Variants in MYT1 observed in about 807,000 individuals in gnomAD.
MYT1 encodes myelin transcription factor I.
In MYT1, 23 loss-of-function variants were observed where a neutral mutation model predicts 123.0. The observed-to-expected ratio is 0.19, with a 90% CI of 0.13 to 0.26. MYT1 has a LOEUF of 0.26. Among genes scored for constraint, MYT1 ranks in the 10% least tolerant of loss-of-function variants. The pLI, the probability that MYT1 is intolerant of heterozygous loss-of-function variation, is 1.00. For synonymous variants in MYT1, 518 were observed against 575.3 expected (o/e 0.90, Z 1.43); for missense variants, 1,125 against 1,472.5 (o/e 0.76, Z 3.86).
chr20:64,228,595 G>A (rs1984236817), intron 18 of MYT1, among the ~76,000 whole-genome samples: 2 of 152,276 alleles, frequency 1.3e-5, no homozygotes. Context: ...TGTCTTTGTG[G>A]GGCTTATAGG....
intron 20 of MYT1, 49 bp from the exon 21 acceptor site, chr20:64,237,238 A>G: frequency 6.5e-7 from 1 of 1,529,210 alleles, no homozygotes; most frequent in Non-Finnish European, 9.0e-7. Flanking sequence ...ACTTTGGCCC[A>G]GGCCTGCCTG....
chr20:64,235,314 G>A (rs1984478504), intron 19 of MYT1, among the ~76,000 whole-genome samples: 1 of 118,646 alleles, frequency 8.4e-6, no homozygotes, highest in Non-Finnish European at 1.7e-5. Flanking sequence ...GCTGGCTGTG[G>A]TGGGTGACCC....
At chr20:64,221,788 T>C (rs1984011867) in intron 13 of MYT1, 105 bp from the exon 14 acceptor site, 2 of 1,194,890 alleles carry the variant, frequency 1.7e-6, no homozygotes, top group East Asian at 2.5e-5. Flanking sequence ...CGGGAGATGC[T>C]TCTGTGGACA....
chr20:64,203,556 CT>C lies in MYT1; in HGVS notation c.87-1478del, dbSNP rs547099141. Reference sequence around the variant, plus strand: ...CCTTCCCGTCTGGGTTCCCTCTTCCCTCCTCCCTCCCTCCTTCCCTCCCTCT... The same window carrying C: ...CCTTCCCGTCTGGGTTCCCTCTTCCCCCTCCCTCCCTCCTTCCCTCCCTCT... On this transcript the variant is annotated intron_variant, in intron 4 of 22. Transcript: ENST00000328439. The surrounding 1 kb of genome is among the most constrained non-coding windows in gnomAD (Gnocchi z 5.1). Among the ~76,000 whole-genome samples the C allele has an allele frequency of 1.9e-3, 293 of 152,156 alleles. 2 individuals carry two copies. In the Middle Eastern group the frequency reaches 0.024, roughly 12 times the overall value.
Position 64,208,162 on chromosome 20 carries a change from C to T in MYT1, c.966C>T (p.Ala322=), listed in dbSNP as rs763568481. 14 of 1,613,670 alleles carry T rather than the reference C, an allele frequency of 8.7e-6. No homozygotes were observed. Among genetic ancestry groups the T allele is most frequent in the Admixed American group, 3.3e-5 (2 of 60,028 alleles). ...AGGAAGACACCTCTCACACCTCTGCCCAGAAGGCCCCTGAGCTCCGGGGCC... is the reference window on the plus strand; with the variant it reads ...AGGAAGACACCTCTCACACCTCTGCTCAGAAGGCCCCTGAGCTCCGGGGCC... ...IFQEDTSHTS[A]QKAPELRGPE... The change falls in exon 7 of 23, where the codon GCC becomes GCT. Residue 322 remains alanine, a synonymous_variant. Coordinates refer to ENST00000328439, the MANE Select transcript of MYT1 (RefSeq NM_004535.3). The surrounding 1 kb of genome is among the most constrained non-coding windows in gnomAD (Gnocchi z 5.4).
intron 22 of MYT1, 98 bp from the exon 23 acceptor site, chr20:64,240,222 G>A (rs6090083): frequency 6.5e-7 from 1 of 1,529,000 alleles, no homozygotes; most frequent in East Asian, 2.3e-5. Context: ...GCTTGTCTCA[G>A]GTCACGTGGG....
Position 64,192,267 on chromosome 20 carries a change from A to G in MYT1, c.-1+2107A>G, listed in dbSNP as rs1982991131. Among the ~76,000 whole-genome samples, 5 of 152,310 alleles carry G rather than the reference A, an allele frequency of 3.3e-5. No homozygotes were observed. The South Asian group carries it at 1.0e-3, about 32-fold the overall frequency. On this transcript the variant is annotated intron_variant, in intron 2 of 22. Coordinates refer to ENST00000328439, the MANE Select transcript of MYT1 (RefSeq NM_004535.3). The surrounding 1 kb of genome is among the most constrained non-coding windows in gnomAD (Gnocchi z 5.3). ...AGATAGGGCCGAGTGACTGCTCTGA[A>G]TAGAGAAGCTAAGATGAAAAGTGTG...
At chr20:64,170,141 T>G (rs117647381) in intron 1 of MYT1, among the ~76,000 whole-genome samples, 6,087 of 152,246 alleles carry the variant, frequency 0.04, 201 homozygotes, top group South Asian at 0.18. Context: ...TACCCACGAT[T>G]CCCAAACATG....
At position 64,218,991 on chromosome 20, in the gene MYT1, A is replaced by T; in HGVS notation, c.1927A>T (p.Met643Leu). The stretch of plus-strand genomic sequence containing the variant: ...GAACCTCTCCACGCGCTGCTGGGAG[A>T]TGCCTGAGAACCTCAGCACGAAGCC... ...ILNLSTRCWE[M>L]PENLSTKPQD... Residue 643 changes from methionine (M) to leucine (L), a missense_variant, in exon 12 of 23, where the codon ATG becomes TTG. Coordinates refer to ENST00000328439, the MANE Select transcript of MYT1 (RefSeq NM_004535.3). The surrounding 1 kb of genome is among the most constrained non-coding windows in gnomAD (Gnocchi z 4.0). The T allele has an allele frequency of 1.2e-6, 2 of 1,613,720 alleles. No homozygotes were observed. The highest frequency in any genetic ancestry group is 4.5e-5 in the East Asian group (2 of 44,880).
chr20:64,185,110 G>A lies in MYT1; in HGVS notation c.-98-4953G>A, dbSNP rs1006994351. ...GAGATGGAGAGGGGGCTGGGCAGGG[G>A]CGTGAGGTCCAAAGAGACTGTGTTT... On this transcript the variant is annotated intron_variant, in intron 1 of 22. Coordinates refer to ENST00000328439, the MANE Select transcript of MYT1 (RefSeq NM_004535.3). This position sits in a 1 kb window ranked among gnomAD's most constrained non-coding sequence, Gnocchi z 4.5. 9.2e-5 allele frequency among the ~76,000 whole-genome samples: 14 copies of A among 152,300 alleles called. 1 individual carries two copies. Among genetic ancestry groups the A allele is most frequent in the South Asian group, 4.1e-4 (2 of 4,822 alleles).
intron 5 of MYT1, 144 bp from the exon 6 acceptor site, chr20:64,205,408 CT>C: frequency 3.8e-6 from 5 of 1,309,156 alleles, no homozygotes; most frequent in Non-Finnish European, 3.1e-6. Flanking sequence ...CTGCACTTTG[CT>C]TTTTTTGTCC....
chr20:64,196,182 A>G lies in MYT1; in HGVS notation c.1-2680A>G, dbSNP rs1429502573. Among the ~76,000 whole-genome samples, 1 of 152,148 alleles carries G rather than the reference A, an allele frequency of 6.6e-6. No homozygotes were observed. Among genetic ancestry groups the G allele is most frequent in the African/African-American group, 2.4e-5 (1 of 41,416 alleles). The stretch of plus-strand genomic sequence containing the variant: ...CAAGTAAAGTGTGTTTTAAAAATCA[A>G]TGAAAAATTGAGAAGTGTTTAATTT... On this transcript the variant is annotated intron_variant, in intron 2 of 22. Transcript: ENST00000328439. This position sits in a 1 kb window ranked among gnomAD's most constrained non-coding sequence, Gnocchi z 4.3.
At chr20:64,236,446 C>T in intron 19 of MYT1, 109 bp from the exon 20 acceptor site, 2 of 803,668 alleles carry the variant, frequency 2.5e-6, no homozygotes, top group Non-Finnish European at 4.2e-6. Context: ...GGTGGGTGAC[C>T]CGGGGCTGGC....
intron 13 of MYT1, 124 bp downstream of exon 13, chr20:64,220,106 G>T: frequency 7.2e-7 from 1 of 1,386,840 alleles, no homozygotes; most frequent in Non-Finnish European, 9.3e-7. Flanking sequence ...GCCTCGGGGA[G>T]CCATCCCTTT....
chr20:64,219,100 C>T (rs1269648763), intron 12 of MYT1, 65 bp downstream of exon 12: 2 of 1,523,664 alleles, frequency 1.3e-6, no homozygotes, highest in Non-Finnish European at 1.8e-6. Flanking sequence ...CAGTCAGGCC[C>T]ACCTGCTCTC....
intron 2 of MYT1, among the ~76,000 whole-genome samples, chr20:64,195,111 C>T (rs1983071813): frequency 2.0e-5 from 3 of 152,090 alleles, no homozygotes; most frequent in Non-Finnish European, 2.9e-5. Context: ...GCCTCGGCCT[C>T]CCAAAGTGCT....
At position 64,206,614 on chromosome 20, in the gene MYT1, A is replaced by G. The variant is rs950838348; in HGVS notation, c.397+814A>G. 2.0e-5 allele frequency among the ~76,000 whole-genome samples: 3 copies of G among 152,124 alleles called. No individual in the cohort carries two copies. In the South Asian group the frequency reaches 6.2e-4, roughly 32 times the overall value. On this transcript the variant is annotated intron_variant, in intron 6 of 22. Transcript: ENST00000328439. ...GGGAAGGGTCTGAGATGGATTTCAG[A>G]AGCAAAGCCAGAGAGGGTCCTCAAC...
In MYT1 at chr20:64,219,013, A is replaced by G. The variant is rs547358265; in HGVS notation, c.1949A>G (p.Lys650Arg). ...CWEMPENLSTKPQDLPSKSVD... is the reference protein window; with the variant it reads ...CWEMPENLSTRPQDLPSKSVD... The stretch of plus-strand genomic sequence containing the variant: ...GAGATGCCTGAGAACCTCAGCACGA[A>G]GCCACAGGACCTCCCCAGCAAGGTT... The change falls in exon 12 of 23, where the codon AAG becomes AGG. Residue 650 changes from lysine to arginine, a missense_variant. Physicochemically the swap from Lys to Arg is conservative, Grantham distance 26. This residue lies in a region of MYT1 where 429 missense variants were observed against 604.1 expected (regional missense o/e 0.71). Transcript: ENST00000328439. 1 of 1,613,596 alleles carries G rather than the reference A, an allele frequency of 6.2e-7. No homozygotes were observed. The highest frequency in any genetic ancestry group is 1.3e-5 in the African/African-American group (1 of 75,052).
intron 1 of MYT1, among the ~76,000 whole-genome samples, chr20:64,182,463 G>A (rs1359943241): frequency 7.9e-5 from 12 of 152,246 alleles, no homozygotes; most frequent in Admixed American, 3.3e-4. Flanking sequence ...TGGCCGAGGT[G>A]GGAGGTGAGC....
Sources: allele counts gnomAD v4.1 joint callset (sites outside exome capture counted in the v4.1 genomes callset), GRCh38; gene constraint gnomAD v4.1.1; regional missense constraint gnomAD v4.1.1; non-coding constraint Gnocchi (gnomAD v3.1); transcripts MANE v1.5; gene names NCBI Gene and HGNC (gene_info 2026-07-23, HGNC 2026-07-21).